DLGAP2: variants seen among roughly 807,000 people sequenced by gnomAD.
DLGAP2 encodes the protein disks large-associated protein 2.
In DLGAP2, 26 loss-of-function variants were observed where a neutral mutation model predicts 100.3. The observed-to-expected ratio is 0.26, with a 90% CI of 0.19 to 0.36. The LOEUF (loss-of-function observed/expected upper bound fraction) is 0.36. Ranked by LOEUF, DLGAP2 falls within the 10% of genes least tolerant of loss-of-function variation. The pLI is 1.00. For synonymous variants in DLGAP2, 886 were observed against 630.1 expected (o/e 1.41, Z -6.08); for missense variants, 1,858 against 1,453.2 (o/e 1.28, Z -4.53).
intron 2 of DLGAP2, among the ~76,000 whole-genome samples, chr8:1,006,825 G>A (rs1184226442): frequency 3.7e-5 from 2 of 53,590 alleles, no homozygotes; most frequent in African/African-American, 8.7e-5. Flanking sequence ...GGCGCCCTGC[G>A]TCTCAAGTCT....
chr8:1,415,636 G>C (rs560683586), intron 3 of DLGAP2, among the ~76,000 whole-genome samples: 1 of 152,188 alleles, frequency 6.6e-6, no homozygotes, highest in South Asian at 2.1e-4. Flanking sequence ...TGCAGAGGAC[G>C]TGATTCCATT....
At chr8:1,385,883 C>T (rs1322605372) in intron 3 of DLGAP2, among the ~76,000 whole-genome samples, 4 of 152,242 alleles carry the variant, frequency 2.6e-5, no homozygotes, top group East Asian at 3.9e-4. Context: ...GGCCTGTGCC[C>T]GGCCCCTGAG....
chr8:748,487 C>G (rs2132568766), intron 1 of DLGAP2, among the ~76,000 whole-genome samples: 1 of 152,226 alleles, frequency 6.6e-6, no homozygotes, highest in Admixed American at 6.5e-5. Context: ...ATATCCCACA[C>G]TGTGACCCGA....
intron 2 of DLGAP2, among the ~76,000 whole-genome samples, chr8:1,028,132 C>CA (rs750640058): frequency 1.7e-4 from 23 of 136,138 alleles, no homozygotes; most frequent in Non-Finnish European, 1.6e-4. Context: ...GGTGGGGTGT[C>CA]ACGCGCCCGT....
intron 3 of DLGAP2, among the ~76,000 whole-genome samples, chr8:1,412,030 A>C (rs897103623): frequency 2.4e-4 from 36 of 152,214 alleles, no homozygotes; most frequent in African/African-American, 8.7e-4. Context: ...ATCTCCTGCT[A>C]GGGATGTCCT....
intron 2 of DLGAP2, among the ~76,000 whole-genome samples, chr8:927,555 C>G (rs1033580139): frequency 6.6e-6 from 1 of 152,206 alleles, no homozygotes; most frequent in East Asian, 1.9e-4. Context: ...TTAACGCCTC[C>G]GAGCCTCAGT....
chr8:1,415,825 G>C (rs1157864022), intron 3 of DLGAP2, among the ~76,000 whole-genome samples: 1 of 152,140 alleles, frequency 6.6e-6, no homozygotes, highest in Non-Finnish European at 1.5e-5. Flanking sequence ...ATTTTCCTTT[G>C]GGTATATACC....
chr8:1,058,087 C>A, intron 2 of DLGAP2, among the ~76,000 whole-genome samples: 1 of 152,170 alleles, frequency 6.6e-6, no homozygotes, highest in East Asian at 1.9e-4. Flanking sequence ...TGCCAAATTC[C>A]CCGAGTGAGG....
intron 4 of DLGAP2, among the ~76,000 whole-genome samples, chr8:1,532,344 A>G (rs978055234): frequency 2.0e-5 from 3 of 152,220 alleles, no homozygotes; most frequent in African/African-American, 7.2e-5. Context: ...TTATAAATTT[A>G]CCTGACTTTC....
chr8:989,876 A>G (rs1395382866), intron 2 of DLGAP2, among the ~76,000 whole-genome samples: 2 of 152,136 alleles, frequency 1.3e-5, no homozygotes, highest in Non-Finnish European at 2.9e-5. Context: ...TCACTTAAAA[A>G]ATTATATGAT....
intron 3 of DLGAP2, among the ~76,000 whole-genome samples, chr8:1,425,255 T>G (rs1161302952): frequency 1.3e-5 from 2 of 152,228 alleles, no homozygotes; most frequent in African/African-American, 4.8e-5. Flanking sequence ...TATCTGTCTG[T>G]ATTTTAAAGA....
chr8:1,599,359 T>C (rs1371147488), intron 6 of DLGAP2, among the ~76,000 whole-genome samples: 1 of 152,186 alleles, frequency 6.6e-6, no homozygotes, highest in African/African-American at 2.4e-5. Context: ...GGTGGAGAGT[T>C]ATGTAGATGT....
chr8:1,416,471 A>C (rs1029958263), intron 3 of DLGAP2, among the ~76,000 whole-genome samples: 1 of 152,192 alleles, frequency 6.6e-6, no homozygotes, highest in Non-Finnish European at 1.5e-5. Flanking sequence ...TCAGGCGGAG[A>C]ATCCGATTTT....
At chr8:1,317,970 A>C (rs375245666) in intron 3 of DLGAP2, among the ~76,000 whole-genome samples, 599 of 33,764 alleles carry the variant, frequency 0.018, no homozygotes, top group Admixed American at 0.037. Flanking sequence ...GCGTCTCTCC[A>C]ACAGTGGTCT....
At chr8:1,252,270 C>T (rs574975146) in intron 2 of DLGAP2, among the ~76,000 whole-genome samples, 20 of 114,436 alleles carry the variant, frequency 1.7e-4, no homozygotes, top group South Asian at 5.8e-4. Flanking sequence ...GTCACAGTCA[C>T]GTCATGTCAC....
chr8:1,580,586 T>A (rs1483450046), intron 6 of DLGAP2, among the ~76,000 whole-genome samples: 2 of 152,076 alleles, frequency 1.3e-5, no homozygotes, highest in East Asian at 3.8e-4. Context: ...GCCAGGGAGT[T>A]TCTAACATTA....
At chr8:1,689,794 G>C (rs1799210665) in intron 12 of DLGAP2, among the ~76,000 whole-genome samples, 1 of 152,218 alleles carries the variant, frequency 6.6e-6, no homozygotes, top group Non-Finnish European at 1.5e-5. Context: ...GAGATGCGTA[G>C]ATCATCTGCC....
intron 2 of DLGAP2, among the ~76,000 whole-genome samples, chr8:1,000,357 A>G (rs1800915469): frequency 6.7e-6 from 1 of 148,470 alleles, no homozygotes; most frequent in Non-Finnish European, 1.5e-5. Context: ...TTTCTTTCGC[A>G]CTGGATTTTC....
chr8:1,547,475 C>G (rs928891398), intron 4 of DLGAP2, among the ~76,000 whole-genome samples: 1 of 151,510 alleles, frequency 6.6e-6, no homozygotes, highest in Non-Finnish European at 1.5e-5. Flanking sequence ...GGAGGAGGGT[C>G]TGGGGCAGGA....
Sources: gnomAD v4.1 joint callset for allele counts (sites outside exome capture counted in the v4.1 genomes callset) on GRCh38, gnomAD v4.1.1 for gene constraint, MANE v1.5 for transcripts, NCBI Gene and HGNC (gene_info 2026-07-23, HGNC 2026-07-21) for gene names.